The following WDR90 variants were observed in gnomAD, a reference collection of about 807,000 sequenced individuals.
WDR90 encodes WD repeat-containing protein 90.
Under a neutral mutation model 195.2 loss-of-function variants are expected in WDR90, and 238 were observed. That is an observed-to-expected ratio of 1.22 (90% CI 1.10 to 1.36). WDR90 has a LOEUF of 1.36. WDR90 is among the 40% of genes most tolerant of loss of function. WDR90 has a pLI of 0.00. For missense variants in WDR90, 2,734 were observed against 2,439.5 expected (o/e 1.12, Z -2.54); for synonymous variants, 1,265 against 1,052.4 (o/e 1.20, Z -3.91).
chr16:665,520 G>A (rs2038005529), intron 34 of WDR90, 159 bp from the exon 35 acceptor site: 2 of 1,142,214 alleles, frequency 1.8e-6, no homozygotes, highest in Admixed American at 3.8e-5. Context: ...CACACACGGG[G>A]GCCGGCATTG....
At position 665,517 on chromosome 16, in the gene WDR90, G is replaced by C. The variant is rs2038005413; in HGVS notation, c.4312-162G>C. Reference sequence around the variant, plus strand: ...CCAGATCTAGTGCAGGGACACACACGGGGGCCGGCATTGCTCCTTTCCGCC... The same window carrying C: ...CCAGATCTAGTGCAGGGACACACACCGGGGCCGGCATTGCTCCTTTCCGCC... On this transcript the variant is annotated intron_variant, in intron 34 of 40. Coordinates refer to ENST00000293879, the MANE Select transcript of WDR90 (RefSeq NM_145294.5). The C allele has an allele frequency of 2.7e-6, 3 of 1,114,378 alleles. No homozygotes were observed. In the South Asian group the frequency reaches 4.1e-5, roughly 15 times the overall value. 69.0% of individuals were successfully genotyped at this position (1,114,378 alleles called of 1,614,324 possible). A position where few individuals can be genotyped will look rare whatever the true frequency, so the allele number is the denominator to read the frequency against.
Position 653,690 on chromosome 16 carries a change from A to G in WDR90, c.1379+20A>G, listed in dbSNP as rs377493286. On this transcript the variant is annotated intron_variant, in intron 12 of 40. Coordinates refer to ENST00000293879, the MANE Select transcript of WDR90 (RefSeq NM_145294.5). The stretch of plus-strand genomic sequence containing the variant: ...TCTCAGGTGAGCACAGGTCTGCCCC[A>G]TGCAGGGGGAGGGGGTCAGCCCAGG... The G allele has an allele frequency of 3.1e-6, 5 of 1,613,170 alleles. No individual in the cohort carries two copies. The highest frequency in any genetic ancestry group is 4.5e-5 in the East Asian group (2 of 44,870).
intron 14 of WDR90, 74 bp from the exon 15 acceptor site, chr16:655,233 C>A (rs747609240): frequency 6.2e-7 from 1 of 1,611,854 alleles, no homozygotes; most frequent in South Asian, 1.1e-5. Context: ...CCTGGCTTGG[C>A]TGTGCGTCTC....
At chr16:656,908 C>A in intron 19 of WDR90, 37 bp downstream of exon 19, 2 of 1,600,734 alleles carry the variant, frequency 1.2e-6, no homozygotes, top group Non-Finnish European at 8.5e-7. Context: ...CACGGAGACC[C>A]CACGGTGGAA....
intron 25 of WDR90, 49 bp from the exon 26 acceptor site, chr16:659,196 T>C (rs369043727): frequency 3.7e-6 from 6 of 1,610,322 alleles, no homozygotes; most frequent in Non-Finnish European, 5.1e-6. Context: ...GTCTGCCTAG[T>C]GGCCCTTCCT....
Position 666,350 on chromosome 16 carries a change from G to T in WDR90, c.4740G>T (p.Glu1580Asp). The T allele has an allele frequency of 1.2e-6, 2 of 1,612,658 alleles. No individual in the cohort carries two copies. The highest frequency in any genetic ancestry group is 1.7e-6 in the Non-Finnish European group (2 of 1,179,954). ...PISTICVTCKECEDLGVEGTD... is the reference protein window; with the variant it reads ...PISTICVTCKDCEDLGVEGTD... ...CTACCATCTGTGTCACGTGCAAAGA[G>T]GTAAAGCAGCCCCAAGAGCTGGGGA... The change falls in exon 37 of 41, where the codon GAG (glutamate) becomes GAT (aspartate). Residue 1580 changes from glutamate to aspartate, a missense_variant and splice_region_variant. Coordinates refer to ENST00000293879, the MANE Select transcript of WDR90 (RefSeq NM_145294.5).
chr16:659,329 C>A lies in WDR90; in HGVS notation c.3137C>A (p.Ser1046Tyr). The stretch of plus-strand genomic sequence containing the variant: ...CAGGTCCCCAAGCCATGTCAGGCAT[C>A]TCCACCACGGCTGGGCGTCTGTGCC... ...RQQVPKPCQASPPRLGVCARP... is the reference protein window; with the variant it reads ...RQQVPKPCQAYPPRLGVCARP... Residue 1046 changes from serine to tyrosine, a missense_variant, in exon 26 of 41, where the codon TCT becomes TAT. By Grantham distance (144) the Ser-to-Tyr change is moderately radical (BLOSUM62 -2). Coordinates refer to ENST00000293879, the MANE Select transcript of WDR90 (RefSeq NM_145294.5). 1 of 1,597,522 alleles carries A rather than the reference C, an allele frequency of 6.3e-7. No homozygotes were observed. Among genetic ancestry groups the A allele is most frequent in the East Asian group, 2.3e-5 (1 of 44,170 alleles).
Position 649,813 on chromosome 16 carries a change from T to C in WDR90, c.61T>C (p.Trp21Arg). The C allele has an allele frequency of 1.3e-6, 2 of 1,581,540 alleles. No individual in the cohort carries two copies. The highest frequency in any genetic ancestry group is 1.7e-6 in the Non-Finnish European group (2 of 1,164,464). The change falls in exon 2 of 41, where the codon TGG (tryptophan) becomes CGG (arginine). Residue 21 changes from tryptophan (W) to arginine (R), a missense_variant. By Grantham distance (101) the Trp-to-Arg change is moderately radical. Transcript: ENST00000293879. The stretch of plus-strand genomic sequence containing the variant: ...CTTCAGACACTTCCGGGTGGACGAG[T>C]GGAAGCGCTCCGCCAAGCAGGGGGA... ...NVFRHFRVDE[W>R]KRSAKQGDVA...
At chr16:660,988 A>AC (rs1567220546) in intron 28 of WDR90, 63 bp from the exon 29 acceptor site, 1 of 19,780 alleles carries the variant, frequency 5.1e-5, no homozygotes. Context: ...GCCCCTCCCC[A>AC]GGCCCCTCCC....
At position 655,163 on chromosome 16, in the gene WDR90, A is replaced by G. The variant is rs761640168; in HGVS notation, c.1556+16A>G. 22 of 1,612,226 alleles carry G rather than the reference A, an allele frequency of 1.4e-5. No individual in the cohort carries two copies. The South Asian group carries it at 2.4e-4, about 18-fold the overall frequency. On this transcript the variant is annotated intron_variant, in intron 14 of 40. Coordinates refer to ENST00000293879, the MANE Select transcript of WDR90 (RefSeq NM_145294.5). ...ATGAAACCAGGTGATGCAGCCGCCC[A>G]TCCACGATGTTGGGAGAGGGTCTGG...
At position 666,534 on chromosome 16, in the gene WDR90, A is replaced by AC; in HGVS notation, c.4821dup (p.Trp1608LeufsTer7). On this transcript the variant is annotated frameshift_variant, in exon 38 of 41. Transcript: ENST00000293879. LOFTEE classifies it high-confidence loss of function. ...CAGCGGGTCAGCGTCTGGGCCTCCG[A>AC]CTGGCTGCGGAACCACTGTGAGCTT... is the stretch of plus-strand genomic sequence containing the variant. The AC allele has an allele frequency of 6.2e-7, 1 of 1,612,736 alleles. No individual in the cohort carries two copies. Among genetic ancestry groups the AC allele is most frequent in the Non-Finnish European group, 8.5e-7 (1 of 1,179,968 alleles).
At chr16:660,006 C>T (rs2151293000) in intron 26 of WDR90, 52 bp from the exon 27 acceptor site, 1 of 1,373,500 alleles carries the variant, frequency 7.3e-7, no homozygotes, top group Admixed American at 2.1e-5. Context: ...TGTGGGGTCT[C>T]TGAAGAGCTC....
chr16:667,162 T>G (rs1191249236), intron 40 of WDR90, among the ~76,000 whole-genome samples, 173 bp downstream of exon 40: 1 of 151,764 alleles, frequency 6.6e-6, no homozygotes, highest in Non-Finnish European at 1.5e-5. Flanking sequence ...ATGAGGCAGG[T>G]GAGGAACCAG....
intron 29 of WDR90, 22 bp from the exon 30 acceptor site, chr16:661,320 C>A: frequency 1.3e-6 from 2 of 1,579,200 alleles, no homozygotes; most frequent in Non-Finnish European, 1.7e-6. Context: ...TCCCCACTCA[C>A]GCCTGGCCTC....
chr16:667,204 G>T (rs974596604), intron 40 of WDR90, among the ~76,000 whole-genome samples: 1 of 152,228 alleles, frequency 6.6e-6, no homozygotes, highest in Non-Finnish European at 1.5e-5. Context: ...CTGAATGCAC[G>T]GGTGGCAGCG....
intron 15 of WDR90, 45 bp from the exon 16 acceptor site, chr16:655,528 C>T (rs566163164): frequency 6.5e-7 from 1 of 1,547,420 alleles, no homozygotes; most frequent in Non-Finnish European, 8.7e-7. Flanking sequence ...GCCTGGGCCT[C>T]CCCTTCCCTG....
chr16:663,900 C>T (rs910389991), intron 34 of WDR90, among the ~76,000 whole-genome samples: 4 of 152,186 alleles, frequency 2.6e-5, no homozygotes, highest in Non-Finnish European at 5.9e-5. Context: ...CCATGGGCTT[C>T]CTCCTGTGGG....
In WDR90 at chr16:666,961, G is replaced by A. The variant is rs893211819; in HGVS notation, c.5061G>A (p.Gly1687=). ...CCATGTCCCTGAGCCTGTCCCCCGG[G>A]ACCCACCTCCTGGCTGTTGGCTTTG... is the stretch of plus-strand genomic sequence containing the variant. ...FFAMSLSLSP[G]THLLAVGFAE... The change falls in exon 40 of 41, where the codon GGG becomes GGA. Residue 1687 remains glycine, a synonymous_variant. Transcript: ENST00000293879. 1 of 1,610,522 alleles carries A rather than the reference G, an allele frequency of 6.2e-7. No individual in the cohort carries two copies. The highest frequency in any genetic ancestry group is 8.5e-7 in the Non-Finnish European group (1 of 1,178,408).
At chr16:655,263 G>C (rs1468179193) in intron 14 of WDR90, 44 bp from the exon 15 acceptor site, 1 of 1,610,708 alleles carries the variant, frequency 6.2e-7, no homozygotes, top group South Asian at 1.1e-5. Context: ...CGGTGGGTCA[G>C]GGCGCTGCGA....
Sources: allele counts gnomAD v4.1 joint callset (sites outside exome capture counted in the v4.1 genomes callset), GRCh38; gene constraint gnomAD v4.1.1; transcripts MANE v1.5; gene names NCBI Gene and HGNC (gene_info 2026-07-23, HGNC 2026-07-21).